ICAM1: variants seen among roughly 807,000 people sequenced by gnomAD.
ICAM1 encodes ICAM-1.
A neutral mutation model predicts 42.3 loss-of-function variants in ICAM1; 28 were observed. The observed-to-expected ratio is 0.66, with a 90% CI of 0.49 to 0.91. ICAM1 has a LOEUF of 0.91. ICAM1 is among the 40% of genes least tolerant of loss of function. The pLI, the probability that ICAM1 is intolerant of heterozygous loss-of-function variation, is 0.00. For synonymous variants in ICAM1, 304 were observed against 305.9 expected (o/e 0.99, Z 0.07); for missense variants, 637 against 688.6 (o/e 0.93, Z 0.84).
chr19:10,283,594 G>A lies in ICAM1; in HGVS notation c.445G>A (p.Val149Met). The A allele has an allele frequency of 6.2e-7, 1 of 1,613,950 alleles. No individual in the cohort carries two copies. Residue 149 changes from valine to methionine, a missense_variant, in exon 3 of 7, where the codon GTG becomes ATG. By Grantham distance (21) the Val-to-Met change is conservative. Coordinates refer to ENST00000264832, the MANE Select transcript of ICAM1 (RefSeq NM_000201.3). ...GGAPRANLTVVLLRGEKELKR... is the reference protein window; with the variant it reads ...GGAPRANLTVMLLRGEKELKR... ...GGCACCCCGGGCCAACCTCACCGTGGTGCTGCTCCGTGGGGAGAAGGAGCT... is the reference window on the plus strand; with the variant it reads ...GGCACCCCGGGCCAACCTCACCGTGATGCTGCTCCGTGGGGAGAAGGAGCT...
At chr19:10,274,405 C>T (rs561202078) in intron 1 of ICAM1, among the ~76,000 whole-genome samples, 1 of 151,366 alleles carries the variant, frequency 6.6e-6, no homozygotes, top group South Asian at 2.1e-4. Flanking sequence ...ACCTCCACCT[C>T]CCAGGTTCAA....
chr19:10,277,421 C>T (rs751969479), intron 2 of ICAM1, among the ~76,000 whole-genome samples: 10 of 151,860 alleles, frequency 6.6e-5, no homozygotes, highest in East Asian at 1.9e-4. Flanking sequence ...TCAGGTGATC[C>T]GCCCGCCTCG....
intron 2 of ICAM1, among the ~76,000 whole-genome samples, chr19:10,282,841 C>T (rs974170750): frequency 4.6e-5 from 7 of 151,970 alleles, no homozygotes; most frequent in African/African-American, 9.7e-5. Flanking sequence ...GCTGAAACCC[C>T]GTTTCTACTA....
At chr19:10,279,446 GTGGGAGGATCACT>G (rs1380109677) in intron 2 of ICAM1, among the ~76,000 whole-genome samples, 3 of 152,122 alleles carry the variant, frequency 2.0e-5, no homozygotes, top group Admixed American at 6.6e-5. Context: ...GGAGGCTCAA[GTGGGAGGATCACT>G]TGAACCCAGG....
rs757293534 is a variant in ICAM1 at position 10,285,299 on chromosome 19, G to A, written c.*12G>A. The A allele has an allele frequency of 1.2e-6, 2 of 1,612,256 alleles. No individual in the cohort carries two copies. Among genetic ancestry groups the A allele is most frequent in the Non-Finnish European group, 8.5e-7 (1 of 1,178,882 alleles). The stretch of plus-strand genomic sequence containing the variant: ...CCACGCCTCCCTGAACCTATCCCGG[G>A]ACAGGGCCTCTTCCTCGGCCTTCCC... On this transcript the variant is annotated 3_prime_UTR_variant, in exon 7 of 7. Transcript: ENST00000264832.
rs754014530 is a variant in ICAM1 at position 10,284,069 on chromosome 19, G to A, written c.674G>A (p.Arg225Gln). 1.4e-5 allele frequency: 22 copies of A among 1,613,724 alleles called. No individual in the cohort carries two copies. The highest frequency in any genetic ancestry group is 4.5e-5 in the East Asian group (2 of 44,874). Reference sequence around the variant, plus strand: ...ACTCCCCCACAACTTGTCAGCCCCCGGGTCCTAGAGGTGGACACGCAGGGG... The same window carrying A: ...ACTCCCCCACAACTTGTCAGCCCCCAGGTCCTAGAGGTGGACACGCAGGGG... ...PATPPQLVSPRVLEVDTQGTV... is the reference protein window; with the variant it reads ...PATPPQLVSPQVLEVDTQGTV... Residue 225 changes from arginine to glutamine, a missense_variant, in exon 4 of 7, where the codon CGG becomes CAG. Physicochemically the swap from Arg to Gln is conservative, Grantham distance 43. Coordinates refer to ENST00000264832, the MANE Select transcript of ICAM1 (RefSeq NM_000201.3). The surrounding 1 kb of genome is among the most constrained non-coding windows in gnomAD (Gnocchi z 5.4).
At position 10,284,456 on chromosome 19, in the gene ICAM1, G is replaced by A. The variant is rs143008699; in HGVS notation, c.979G>A (p.Glu327Lys). The A allele has an allele frequency of 6.8e-6, 11 of 1,613,846 alleles. No homozygotes were observed. The highest frequency in any genetic ancestry group is 6.7e-5 in the African/African-American group (5 of 74,898). Residue 327 changes from glutamate to lysine, a missense_variant, in exon 5 of 7, where the codon GAG becomes AAG. By Grantham distance (56) the Glu-to-Lys change is moderately conservative (BLOSUM62 1). Coordinates refer to ENST00000264832, the MANE Select transcript of ICAM1 (RefSeq NM_000201.3). The surrounding 1 kb of genome is among the most constrained non-coding windows in gnomAD (Gnocchi z 5.4). The part of the protein sequence containing the change: ...LTKPEVSEGT[E>K]VTVKCEAHPR... ...GAAGCCAGAGGTCTCAGAAGGGACC[G>A]AGGTGACAGTGAAGTGTGAGGCCCA...
At chr19:10,271,373 G>T (rs1054751562) in intron 1 of ICAM1, 147 bp downstream of exon 1, 10 of 655,772 alleles carry the variant, frequency 1.5e-5, no homozygotes, top group Non-Finnish European at 2.6e-5. Flanking sequence ...CAGTAGGTTC[G>T]AATCCAGACC....
intron 1 of ICAM1, among the ~76,000 whole-genome samples, chr19:10,271,714 A>G (rs1599262541): frequency 6.6e-6 from 1 of 151,956 alleles, no homozygotes; most frequent in African/African-American, 2.4e-5. Context: ...CTCTGTGCCA[A>G]CCCAACAAGG....
chr19:10,284,431 G>A lies in ICAM1; in HGVS notation c.954G>A (p.Thr318=), dbSNP rs374392444. ...YSFPAPNVIL[T]KPEVSEGTEV... ...TTCCGGCGCCCAACGTGATTCTGAC[G>A]AAGCCAGAGGTCTCAGAAGGGACCG... Residue 318 remains threonine (T), a synonymous_variant, in exon 5 of 7, where the codon ACG becomes ACA. Transcript: ENST00000264832. This position sits in a 1 kb window ranked among gnomAD's most constrained non-coding sequence, Gnocchi z 5.4. 2.3e-5 allele frequency: 37 copies of A among 1,613,640 alleles called. No homozygotes were observed. The highest frequency in any genetic ancestry group is 4.5e-5 in the East Asian group (2 of 44,874).
intron 1 of ICAM1, 78 bp downstream of exon 1, chr19:10,271,304 T>C (rs1260472931): frequency 3.1e-6 from 4 of 1,274,604 alleles, no homozygotes; most frequent in Non-Finnish European, 4.5e-6. Context: ...AGGTCATGCA[T>C]GCTTAGGTAG....
intron 2 of ICAM1, among the ~76,000 whole-genome samples, chr19:10,281,997 C>T (rs2040063114): frequency 6.6e-6 from 1 of 151,998 alleles, no homozygotes; most frequent in South Asian, 2.1e-4. Flanking sequence ...CTGCCTCGGC[C>T]CCCCAAAGTG....
intron 1 of ICAM1, among the ~76,000 whole-genome samples, chr19:10,271,549 G>C (rs2039980828): frequency 6.6e-6 from 1 of 152,062 alleles, no homozygotes. Flanking sequence ...TAGCTGGGAT[G>C]AGAGGTGTGA....
At chr19:10,281,369 G>A (rs554893206) in intron 2 of ICAM1, among the ~76,000 whole-genome samples, 2 of 148,792 alleles carry the variant, frequency 1.3e-5, no homozygotes, top group Non-Finnish European at 3.0e-5. Context: ...AAATGACCCC[G>A]CCTTGGCATC....
chr19:10,284,238 G>T lies in ICAM1; in HGVS notation c.843G>T (p.Glu281Asp). 6.2e-7 allele frequency: 1 copy of T among 1,614,030 alleles called. No homozygotes were observed. Among genetic ancestry groups the T allele is most frequent in the Non-Finnish European group, 8.5e-7 (1 of 1,180,040 alleles). The change falls in exon 4 of 7, where the codon GAG (glutamate) becomes GAT (aspartate). Residue 281 changes from glutamate to aspartate, a missense_variant. Coordinates refer to ENST00000264832, the MANE Select transcript of ICAM1 (RefSeq NM_000201.3). The surrounding 1 kb of genome is among the most constrained non-coding windows in gnomAD (Gnocchi z 5.4). ...AGGCCTCAGTCAGTGTGACCGCAGA[G>T]GACGAGGGCACCCAGCGGCTGACGT... ...SAKASVSVTA[E>D]DEGTQRLTCA... is the part of the protein sequence containing the mutation.
rs371681905 is a variant in ICAM1 at position 10,284,070 on chromosome 19, G to A, written c.675G>A (p.Arg225=). 1 of 1,613,732 alleles carries A rather than the reference G, an allele frequency of 6.2e-7. No homozygotes were observed. Among genetic ancestry groups the A allele is most frequent in the African/African-American group, 1.3e-5 (1 of 74,850 alleles). Residue 225 remains arginine (R), a synonymous_variant, in exon 4 of 7, where the codon CGG becomes CGA. Transcript: ENST00000264832. This position sits in a 1 kb window ranked among gnomAD's most constrained non-coding sequence, Gnocchi z 5.4. ...CTCCCCCACAACTTGTCAGCCCCCG[G>A]GTCCTAGAGGTGGACACGCAGGGGA... ...PATPPQLVSP[R]VLEVDTQGTV... is the part of the protein sequence containing the mutation.
At chr19:10,275,450 C>G (rs1436650073) in intron 2 of ICAM1, among the ~76,000 whole-genome samples, 1 of 152,118 alleles carries the variant, frequency 6.6e-6, no homozygotes, top group Admixed American at 6.5e-5. Context: ...GAGCCGCGAT[C>G]GTGCCAGTGC....
At chr19:10,281,721 CTTTTTTTTTTTTT>C (rs33958632) in intron 2 of ICAM1, among the ~76,000 whole-genome samples, 1 of 106,144 alleles carries the variant, frequency 9.4e-6, no homozygotes, top group Non-Finnish European at 1.9e-5. Context: ...GGTCCTGATG[CTTTTTTTTTTTTT>C]TTTTTTTTCC....
At chr19:10,276,182 TAA>T (rs569643341) in intron 2 of ICAM1, among the ~76,000 whole-genome samples, 8 of 139,332 alleles carry the variant, frequency 5.7e-5, no homozygotes, top group African/African-American at 1.1e-4. Flanking sequence ...CATTTTTATT[TAA>T]AAAAAAAAAA....
Sources: gnomAD v4.1 joint callset for allele counts (sites outside exome capture counted in the v4.1 genomes callset) on GRCh38, gnomAD v4.1.1 for gene constraint, Gnocchi (gnomAD v3.1) non-coding constraint, MANE v1.5 for transcripts, NCBI Gene and HGNC (gene_info 2026-07-23, HGNC 2026-07-21) for gene names.